Variants in GNPTAB observed in about 807,000 individuals in gnomAD.
GNPTAB encodes the protein N-acetylglucosamine-1-phosphotransferase subunits alpha/beta.
GNPTAB carries 92 observed loss-of-function variants against 136.6 expected under a neutral mutation model. The ratio of observed to expected loss-of-function variants is 0.67; its 90% CI spans 0.57 to 0.80. GNPTAB has a LOEUF of 0.80. Among genes scored for constraint, GNPTAB ranks in the 30% least tolerant of loss-of-function variants. GNPTAB has a pLI of 0.00. For missense variants in GNPTAB, 1,343 were observed against 1,501.8 expected (o/e 0.89, Z 1.75); for synonymous variants, 512 against 535.1 (o/e 0.96, Z 0.60).
intron 7 of GNPTAB, chr12:101,779,381 G>GT (rs924136623): frequency 1.3e-5 from 2 of 152,190 alleles, no homozygotes; most frequent in Admixed American, 6.5e-5. Flanking sequence ...GCATCTTGAC[G>GT]TAAGGTCAAA....
At chr12:101,825,853 G>A (rs1871061061) in intron 1 of GNPTAB, among the ~76,000 whole-genome samples, 1 of 152,136 alleles carries the variant, frequency 6.6e-6, no homozygotes. Context: ...AAATAGATAA[G>A]AGGGGCTACT....
chr12:101,830,528 G>A (rs1566105836), intron 1 of GNPTAB, 31 bp downstream of exon 1: 5 of 1,349,908 alleles, frequency 3.7e-6, no homozygotes, highest in Non-Finnish European at 1.1e-6. Context: ...GGGTCGAGGC[G>A]CCCGGTCCAG....
chr12:101,746,607 T>A lies in GNPTAB; in HGVS notation c.*557A>T, dbSNP rs1329590638. ...CTTAAATATTAATAAAACTCATAAT[T>A]TAGGTATTGTCAATAAGAGGTGATA... On this transcript the variant is annotated 3_prime_UTR_variant, in exon 21 of 21. Coordinates refer to ENST00000299314, the MANE Select transcript of GNPTAB (RefSeq NM_024312.5). The A allele has an allele frequency of 1.3e-5, 2 of 153,498 alleles. No individual in the cohort carries two copies. Among genetic ancestry groups the A allele is most frequent in the Non-Finnish European group, 2.9e-5 (2 of 68,996 alleles). 9.5% of individuals were successfully genotyped at this position (153,498 alleles called of 1,614,324 possible). A position where few individuals can be genotyped will look rare whatever the true frequency, so the allele number is the denominator to read the frequency against.
chr12:101,768,289 T>A, intron 10 of GNPTAB, 129 bp from the exon 11 acceptor site: 1 of 988,790 alleles, frequency 1.0e-6, no homozygotes, highest in Non-Finnish European at 1.5e-6. Context: ...GGGCTCAGCG[T>A]TCACACTCAC....
chr12:101,798,512 T>C (rs1395176709), intron 1 of GNPTAB, among the ~76,000 whole-genome samples: 2 of 152,194 alleles, frequency 1.3e-5, no homozygotes, highest in African/African-American at 4.8e-5. Context: ...CTGTTTTCAT[T>C]ATCCAGAACT....
chr12:101,775,470 G>A (rs539932696), intron 7 of GNPTAB, among the ~76,000 whole-genome samples: 7 of 150,266 alleles, frequency 4.7e-5, no homozygotes, highest in Non-Finnish European at 8.8e-5. Flanking sequence ...AGTGATTCTC[G>A]TGCCTTAGCC....
intron 18 of GNPTAB, among the ~76,000 whole-genome samples, chr12:101,755,098 G>C (rs1432894534): frequency 2.6e-5 from 4 of 152,024 alleles, no homozygotes; most frequent in Non-Finnish European, 5.9e-5. Context: ...ATGGTATTGT[G>C]GTTATATTTT....
intron 1 of GNPTAB, among the ~76,000 whole-genome samples, chr12:101,804,623 T>C (rs745691287): frequency 6.6e-6 from 1 of 152,174 alleles, no homozygotes; most frequent in South Asian, 2.1e-4. Context: ...CTAAGTAATA[T>C]AAGAAATTCA....
chr12:101,809,229 C>A (rs950647922), intron 1 of GNPTAB, among the ~76,000 whole-genome samples: 1 of 152,128 alleles, frequency 6.6e-6, no homozygotes, highest in Admixed American at 6.5e-5. Context: ...ATTAAAACAG[C>A]AATAAGATAC....
At chr12:101,819,433 G>A (rs560184277) in intron 1 of GNPTAB, among the ~76,000 whole-genome samples, 1 of 152,188 alleles carries the variant, frequency 6.6e-6, no homozygotes, top group African/African-American at 2.4e-5. Context: ...AACAACTTCT[G>A]AAAATTTGCT....
chr12:101,811,383 C>CT lies in GNPTAB; in HGVS notation c.118-14622dup, dbSNP rs11356611. ...ACATTTAAATTTCACATAATTTTTT[C>CT]TTTTTTTTTTTTTCTTTTTTACTCT... On this transcript the variant is annotated intron_variant, in intron 1 of 20. Transcript: ENST00000299314. Among the ~76,000 whole-genome samples, 568 of 142,612 alleles carry CT rather than the reference C, an allele frequency of 4.0e-3. 1 individual carries two copies. Among genetic ancestry groups the CT allele is most frequent in the Non-Finnish European group, 6.2e-3 (404 of 64,994 alleles). The allele number at this position is 142,612 out of a possible 152,430, so 93.6% of individuals were successfully genotyped here. A position where few individuals can be genotyped will look rare whatever the true frequency, so the allele number is the denominator to read the frequency against.
chr12:101,773,087 A>C, intron 7 of GNPTAB: 1 of 209,576 alleles, frequency 4.8e-6, no homozygotes, highest in South Asian at 5.7e-5. Context: ...CTGGGATTAC[A>C]GGCGTAAGCC....
intron 1 of GNPTAB, among the ~76,000 whole-genome samples, chr12:101,809,252 A>G (rs1870097399): frequency 6.6e-6 from 1 of 152,208 alleles, no homozygotes. Flanking sequence ...CTGCACACCT[A>G]ATGGAATGGC....
intron 7 of GNPTAB, chr12:101,778,504 A>G (rs1032021927): frequency 3.3e-5 from 5 of 152,254 alleles, no homozygotes; most frequent in Admixed American, 6.5e-5. Context: ...AGTACTAAAA[A>G]TAACTCAGAG....
intron 19 of GNPTAB, 49 bp downstream of exon 19, chr12:101,753,323 A>G (rs1209030928): frequency 7.3e-7 from 1 of 1,360,938 alleles, no homozygotes; most frequent in Admixed American, 1.7e-5. Context: ...ATACATATGC[A>G]TGTATACACT....
intron 1 of GNPTAB, among the ~76,000 whole-genome samples, chr12:101,821,588 G>A (rs1053140156): frequency 5.9e-5 from 9 of 152,158 alleles, no homozygotes; most frequent in Admixed American, 6.6e-5. Context: ...ATGGTAGAAA[G>A]GTCCAGGAGG....
At chr12:101,829,330 C>A (rs944025710) in intron 1 of GNPTAB, among the ~76,000 whole-genome samples, 1 of 152,142 alleles carries the variant, frequency 6.6e-6, no homozygotes, top group East Asian at 1.9e-4. Flanking sequence ...ACTAAAAATA[C>A]AAAAATTAGC....
Position 101,770,991 on chromosome 12 carries a change from C to A in GNPTAB, c.933+5G>T. Reference sequence around the variant, plus strand: ...GGGCTGTAAAAGCTTCTGTGCATCCCTTACCTGGCTGATGGCGCTCAGATC... The same window carrying A: ...GGGCTGTAAAAGCTTCTGTGCATCCATTACCTGGCTGATGGCGCTCAGATC... On this transcript the variant is annotated splice_donor_5th_base_variant and intron_variant, in intron 8 of 20. Coordinates refer to ENST00000299314, the MANE Select transcript of GNPTAB (RefSeq NM_024312.5). 1 of 1,613,854 alleles carries A rather than the reference C, an allele frequency of 6.2e-7. No homozygotes were observed. The highest frequency in any genetic ancestry group is 8.5e-7 in the Non-Finnish European group (1 of 1,179,770).
At chr12:101,770,945 T>A (rs1953162390) in intron 8 of GNPTAB, 51 bp downstream of exon 8, 1 of 1,548,194 alleles carries the variant, frequency 6.5e-7, no homozygotes, top group Admixed American at 1.7e-5. Context: ...TACACATTTT[T>A]AACATCTTAA....
Sources: allele counts gnomAD v4.1 joint callset (sites outside exome capture counted in the v4.1 genomes callset), GRCh38; gene constraint gnomAD v4.1.1; transcripts MANE v1.5; gene names NCBI Gene and HGNC (gene_info 2026-07-23, HGNC 2026-07-21).